The following NCOA1 variants were observed in gnomAD, a reference collection of about 807,000 sequenced individuals.
The protein encoded by NCOA1 is Hin-2 protein.
NCOA1 carries 35 observed loss-of-function variants against 150.9 expected under a neutral mutation model. The ratio of observed to expected loss-of-function variants is 0.23; its 90% confidence interval spans 0.18 to 0.31. The LOEUF (loss-of-function observed/expected upper bound fraction) is 0.31, where lower values mean the gene tolerates loss of function less well. Ranked by LOEUF, NCOA1 falls within the 10% of genes least tolerant of loss-of-function variation. The probability of loss-of-function intolerance (pLI) is 1.00; values close to 1 mark genes in which losing one functional copy is unlikely to be tolerated. For missense variants in NCOA1, 1,491 were observed against 1,749.3 expected (o/e 0.85, Z 2.63); for synonymous variants, 590 against 630.0 (o/e 0.94, Z 0.95).
intron 14 of NCOA1, among the ~76,000 whole-genome samples, chr2:24,721,136 T>C (rs1453055274): frequency 6.6e-6 from 1 of 152,228 alleles, no homozygotes; most frequent in African/African-American, 2.4e-5. Context: ...TTCAGCTATG[T>C]CCATCCTGCC....
chr2:24,554,819 T>TA (rs1259224724), intron 1 of NCOA1, among the ~76,000 whole-genome samples: 2 of 152,156 alleles, frequency 1.3e-5, no homozygotes, highest in Admixed American at 1.3e-4. Context: ...GGATGCCTGT[T>TA]ACTGATTTGA....
chr2:24,665,652 A>T (rs1671385494), intron 5 of NCOA1, 97 bp from the exon 6 acceptor site: 1 of 986,242 alleles, frequency 1.0e-6, no homozygotes, highest in Non-Finnish European at 1.4e-6. Flanking sequence ...TTCGATAAAA[A>T]TAAAGATCTC....
chr2:24,626,723 T>C (rs1669427889), intron 3 of NCOA1, among the ~76,000 whole-genome samples: 1 of 152,212 alleles, frequency 6.6e-6, no homozygotes, highest in Non-Finnish European at 1.5e-5. Flanking sequence ...CTACTGGGTT[T>C]TCATTGCATG....
At chr2:24,635,871 A>C (rs1669918452) in intron 3 of NCOA1, among the ~76,000 whole-genome samples, 1 of 152,188 alleles carries the variant, frequency 6.6e-6, no homozygotes, top group South Asian at 2.1e-4. Flanking sequence ...AGTTTAAGTC[A>C]AGGAAAGAAA....
intron 7 of NCOA1, among the ~76,000 whole-genome samples, chr2:24,676,662 C>T (rs1671923966): frequency 6.6e-6 from 1 of 152,170 alleles, no homozygotes; most frequent in Non-Finnish European, 1.5e-5. Flanking sequence ...AATTCAGAAT[C>T]TGGATGGCAA....
chr2:24,729,897 G>A, intron 17 of NCOA1, 82 bp downstream of exon 17: 1 of 1,416,378 alleles, frequency 7.1e-7, no homozygotes, highest in East Asian at 2.3e-5. Context: ...TGTGGCTAGT[G>A]TGCAGTAGTG....
Position 24,516,977 on chromosome 2 carries a change from C to CATATACGTATATATACACGTAT in NCOA1, c.-396+25390_-396+25391insCACGTATATATACGTATATATA, listed in dbSNP as rs70947822. 3.2e-4 allele frequency among the ~76,000 whole-genome samples: 19 copies of CATATACGTATATATACACGTAT among 58,994 alleles called. 5 individuals carry two copies. The highest frequency in any genetic ancestry group is 3.0e-4 in the Non-Finnish European group (8 of 26,552). The allele number at this position is 58,994 out of a possible 152,430, so 38.7% of individuals were successfully genotyped here. ...ACAAGTATATATACGTATATATACA[C>CATATACGTATATATACACGTAT]ATATACGTATATATATACACACGCG... On this transcript the variant is annotated intron_variant, in intron 1 of 22. Coordinates refer to ENST00000348332, the MANE Select transcript of NCOA1 (RefSeq NM_003743.5).
chr2:24,741,755 TAGTA>T (rs773082224), intron 18 of NCOA1, 25 bp from the exon 19 acceptor site: 12 of 1,582,802 alleles, frequency 7.6e-6, no homozygotes, highest in Non-Finnish European at 1.0e-5. Flanking sequence ...ATAATAATTT[TAGTA>T]AGTGAGTTTT....
chr2:24,642,048 GTA>G (rs927304097), intron 3 of NCOA1, among the ~76,000 whole-genome samples: 10 of 151,370 alleles, frequency 6.6e-5, no homozygotes, highest in South Asian at 2.1e-4. Flanking sequence ...GCGCGCGTGC[GTA>G]TGTGTGTGTG....
chr2:24,500,092 G>A (rs1372690169), intron 1 of NCOA1, among the ~76,000 whole-genome samples: 1 of 151,866 alleles, frequency 6.6e-6, no homozygotes, highest in Non-Finnish European at 1.5e-5. Flanking sequence ...TAGCCCGGTA[G>A]TTTCTTTTTT....
intron 7 of NCOA1, among the ~76,000 whole-genome samples, chr2:24,682,567 CA>C (rs1672226064): frequency 6.6e-6 from 1 of 152,320 alleles, no homozygotes; most frequent in African/African-American, 2.4e-5. Context: ...TATACTCCAG[CA>C]GCTGCAAACT....
At chr2:24,600,246 A>G (rs1185892950) in intron 3 of NCOA1, among the ~76,000 whole-genome samples, 3 of 152,246 alleles carry the variant, frequency 2.0e-5, no homozygotes, top group Admixed American at 1.3e-4. Context: ...TCTGTCGCCC[A>G]GGCTGGAGTG....
In NCOA1 at chr2:24,590,951, C is replaced by T. The variant is rs548808351; in HGVS notation, c.-175+6391C>T. ...ATAGCATGCAGGCAGAGATTTTGAA[C>T]GATTTTGCTTACTACTGTATTCCTA... On this transcript the variant is annotated intron_variant, in intron 3 of 22. Transcript: ENST00000348332. Among the ~76,000 whole-genome samples the T allele has an allele frequency of 3.9e-5, 6 of 152,236 alleles. No homozygotes were observed. The East Asian group carries it at 5.8e-4, about 15-fold the overall frequency.
intron 2 of NCOA1, among the ~76,000 whole-genome samples, chr2:24,568,228 G>A (rs948187973): frequency 2.0e-5 from 3 of 152,158 alleles, no homozygotes; most frequent in African/African-American, 7.2e-5. Context: ...TGTTTTGGGG[G>A]ATAAGAGCAA....
intron 19 of NCOA1, among the ~76,000 whole-genome samples, chr2:24,742,435 T>C (rs1663653130): frequency 6.6e-6 from 1 of 152,020 alleles, no homozygotes; most frequent in African/African-American, 2.4e-5. Context: ...GAGCATTTTG[T>C]ATGCAAAGTA....
chr2:24,709,550 GAGTCCTT>G (rs1349404617), intron 13 of NCOA1, among the ~76,000 whole-genome samples: 3 of 152,084 alleles, frequency 2.0e-5, no homozygotes, highest in Non-Finnish European at 4.4e-5. Flanking sequence ...CTTTATGTAT[GAGTCCTT>G]TATTGGACAT....
At chr2:24,654,531 G>A (rs1040592296) in intron 4 of NCOA1, among the ~76,000 whole-genome samples, 1 of 152,130 alleles carries the variant, frequency 6.6e-6, no homozygotes, top group Admixed American at 6.5e-5. Context: ...AAATTACTAA[G>A]ATGAGAAAGA....
intron 8 of NCOA1, among the ~76,000 whole-genome samples, chr2:24,690,608 C>G (rs1672617404): frequency 7.3e-6 from 1 of 136,676 alleles, no homozygotes; most frequent in South Asian, 2.3e-4. Flanking sequence ...GCCGAGATCA[C>G]ACCATTGCAC....
At chr2:24,703,917 C>CA in intron 11 of NCOA1, among the ~76,000 whole-genome samples, 1 of 152,094 alleles carries the variant, frequency 6.6e-6, no homozygotes, top group East Asian at 1.9e-4. Flanking sequence ...TGGTAGTACT[C>CA]AATCTTTCTT....
Sources: gnomAD v4.1 joint callset for allele counts (sites outside exome capture counted in the v4.1 genomes callset) on GRCh38, gnomAD v4.1.1 for gene constraint, MANE v1.5 for transcripts, NCBI Gene and HGNC (gene_info 2026-07-23, HGNC 2026-07-21) for gene names.